DPP6: variants seen among roughly 807,000 people sequenced by gnomAD.
The protein encoded by DPP6 is A-type potassium channel modulatory protein DPP6.
DPP6 carries 69 observed loss-of-function variants against 122.6 expected under a neutral mutation model. The observed-to-expected ratio is 0.56, with a 90% CI of 0.46 to 0.69. The LOEUF is 0.69. Among genes scored for constraint, DPP6 ranks in the 30% least tolerant of loss-of-function variants. DPP6 has a pLI of 0.00. For missense variants in DPP6, 928 were observed against 1,116.9 expected (o/e 0.83, Z 2.41); for synonymous variants, 418 against 433.1 (o/e 0.97, Z 0.43).
At chr7:154,801,505 G>A (rs1276394123) in intron 13 of DPP6, 43 bp downstream of exon 13, 2 of 1,526,100 alleles carry the variant, frequency 1.3e-6, no homozygotes, top group Admixed American at 2.0e-5. Flanking sequence ...AAACTGGCCT[G>A]CTAGAGGCCG....
At chr7:153,804,694 A>G in the DPP6 span, among the ~76,000 whole-genome samples, 7 of 152,142 alleles carry the variant, frequency 4.6e-5, no homozygotes, top group African/African-American at 7.2e-5. Flanking sequence ...GGAGTTCGAG[A>G]CCAGCCTGGC....
chr7:153,945,144 C>T (rs1359069413), intron 1 of DPP6, among the ~76,000 whole-genome samples: 1 of 152,174 alleles, frequency 6.6e-6, no homozygotes, highest in Non-Finnish European at 1.5e-5. Flanking sequence ...TTTGACCCTG[C>T]TGGTGCCAAC....
chr7:153,951,874 C>T (rs949939398), intron 1 of DPP6, among the ~76,000 whole-genome samples: 17 of 152,104 alleles, frequency 1.1e-4, no homozygotes, highest in African/African-American at 4.1e-4. Flanking sequence ...GAAACCCCGT[C>T]TCTACTAAAA....
At chr7:154,101,098 A>T (rs62487164) in intron 1 of DPP6, among the ~76,000 whole-genome samples, 1 of 126,580 alleles carries the variant, frequency 7.9e-6, no homozygotes, top group Non-Finnish European at 1.8e-5. Flanking sequence ...TATCTAACTG[A>T]CCAGTTGGAC....
chr7:154,797,551 C>T (rs1245737821), intron 12 of DPP6, among the ~76,000 whole-genome samples: 1 of 152,102 alleles, frequency 6.6e-6, no homozygotes, highest in East Asian at 1.9e-4. Flanking sequence ...AAAAGGCTAC[C>T]TTATTGTACA....
chr7:154,620,380 T>C (rs1834563346), intron 5 of DPP6, among the ~76,000 whole-genome samples: 1 of 152,208 alleles, frequency 6.6e-6, no homozygotes, highest in Non-Finnish European at 1.5e-5. Context: ...GTTAGGTCCT[T>C]TTCTTCCCAA....
chr7:154,699,893 C>A (rs1159944221), intron 7 of DPP6, among the ~76,000 whole-genome samples: 1 of 152,200 alleles, frequency 6.6e-6, no homozygotes, highest in Non-Finnish European at 1.5e-5. Flanking sequence ...CGAGGGGAGT[C>A]TTCAGAGTGT....
intron 5 of DPP6, among the ~76,000 whole-genome samples, chr7:154,628,033 G>A (rs1047754353): frequency 1.3e-5 from 2 of 152,182 alleles, no homozygotes; most frequent in Non-Finnish European, 2.9e-5. Flanking sequence ...AGCAGATAGC[G>A]GGGAGGCAGA....
At chr7:153,975,338 A>G (rs1196516540) in intron 1 of DPP6, among the ~76,000 whole-genome samples, 1 of 95,850 alleles carries the variant, frequency 1.0e-5, no homozygotes, top group Non-Finnish European at 2.2e-5. Flanking sequence ...AGGACCCCCC[A>G]CCCACCCCCA....
intron 1 of DPP6, among the ~76,000 whole-genome samples, chr7:154,016,183 C>T (rs572456897): frequency 1.4e-3 from 207 of 152,264 alleles, no homozygotes; most frequent in African/African-American, 4.8e-3. Context: ...TCTCTCCCCC[C>T]GCCACACAAT....
chr7:154,750,273 G>C (rs1229028812), intron 8 of DPP6, among the ~76,000 whole-genome samples: 2 of 152,192 alleles, frequency 1.3e-5, no homozygotes, highest in Non-Finnish European at 2.9e-5. Context: ...GACAAGAAGC[G>C]GGAGTCGCAG....
chr7:153,852,262 T>A, the DPP6 span, among the ~76,000 whole-genome samples: 4 of 152,132 alleles, frequency 2.6e-5, no homozygotes, highest in Admixed American at 6.5e-5. Flanking sequence ...AAGAAACACC[T>A]GAGACTGGGT....
chr7:154,078,248 A>T (rs570492824), intron 1 of DPP6, among the ~76,000 whole-genome samples: 204 of 152,184 alleles, frequency 1.3e-3, no homozygotes, highest in African/African-American at 4.7e-3. Flanking sequence ...TAGCACCACA[A>T]TGAGATTCTG....
chr7:154,068,278 T>G (rs1802883612), intron 1 of DPP6, among the ~76,000 whole-genome samples: 1 of 149,436 alleles, frequency 6.7e-6, no homozygotes, highest in Non-Finnish European at 1.5e-5. Context: ...TGTTGATTCT[T>G]GGAGTAATAA....
At chr7:154,764,265 C>T (rs547837689) in intron 8 of DPP6, among the ~76,000 whole-genome samples, 8 of 152,110 alleles carry the variant, frequency 5.3e-5, no homozygotes, top group Non-Finnish European at 1.2e-4. Flanking sequence ...GGAGCTTCAT[C>T]TGATGTTATA....
chr7:154,247,871 A>G (rs1563365698), intron 1 of DPP6, among the ~76,000 whole-genome samples: 3 of 152,206 alleles, frequency 2.0e-5, no homozygotes, highest in Non-Finnish European at 2.9e-5. Flanking sequence ...CAACCAGATA[A>G]TAAATAATTG....
intron 1 of DPP6, among the ~76,000 whole-genome samples, chr7:153,989,452 C>T (rs56187311): frequency 4.4e-3 from 670 of 151,352 alleles, no homozygotes; most frequent in Non-Finnish European, 7.1e-3. Context: ...AGGAGGGGCT[C>T]GGAGGTCCTC....
chr7:153,922,521 G>A (rs116667853), intron 1 of DPP6, among the ~76,000 whole-genome samples: 1,748 of 152,222 alleles, frequency 0.011, 32 homozygotes, highest in African/African-American at 0.04. Context: ...GAAGCAAAAT[G>A]ATAATCTCAG....
chr7:154,164,501 T>TA (rs1797144110), intron 1 of DPP6, among the ~76,000 whole-genome samples: 2 of 152,240 alleles, frequency 1.3e-5, no homozygotes, highest in South Asian at 2.1e-4. Context: ...TCTACCCTTT[T>TA]AAAGGGTATG....
Sources: gnomAD v4.1 joint callset for allele counts (sites outside exome capture counted in the v4.1 genomes callset) on GRCh38, gnomAD v4.1.1 for gene constraint, MANE v1.5 for transcripts, NCBI Gene and HGNC (gene_info 2026-07-23, HGNC 2026-07-21) for gene names.